The following DCDC1 variants were observed in gnomAD, a reference collection of about 807,000 sequenced individuals.
DCDC1 encodes doublecortin domain containing 1.
In DCDC1, 200 loss-of-function variants were observed where a neutral mutation model predicts 178.3. The observed-to-expected ratio is 1.12, with a 90% CI of 1.00 to 1.26. DCDC1 has a LOEUF of 1.26. Among genes scored for constraint, DCDC1 ranks in the 50% most tolerant of loss-of-function variants. The pLI, the probability that DCDC1 is intolerant of heterozygous loss-of-function variation, is 0.00. For missense variants in DCDC1, 1,983 were observed against 1,749.2 expected, an observed-to-expected ratio of 1.13 and a Z score of -2.38; for synonymous variants, 690 against 604.8, an observed-to-expected ratio of 1.14 and a Z score of -2.07.
At chr11:31,247,276 T>G (rs2136947271) in intron 8 of DCDC1, among the ~76,000 whole-genome samples, 1 of 152,064 alleles carries the variant, frequency 6.6e-6, no homozygotes, top group South Asian at 2.1e-4. Flanking sequence ...GCCTGAGTCA[T>G]GTTTTTTTTC....
rs1446127706 is a variant in DCDC1 at position 30,915,556 on chromosome 11, T to C, written c.3608A>G (p.Lys1203Arg). The part of the protein sequence containing the change: ...SGMEVVLVEK[K>R]SDGSHQRWIH... ...CCAGCGCTGATGACTACCATCAGAT[T>C]TCTTCTCCACCAAAACCACCTCCAT... The change falls in exon 27 of 39, where the codon AAA becomes AGA. Residue 1203 changes from lysine to arginine, a missense_variant. Physicochemically the swap from Lys to Arg is conservative, Grantham distance 26. Transcript: ENST00000684477. 8 of 1,613,952 alleles carry C rather than the reference T, an allele frequency of 5.0e-6. No individual in the cohort carries two copies. Among genetic ancestry groups the C allele is most frequent in the Non-Finnish European group, 6.8e-6 (8 of 1,179,868 alleles).
intron 9 of DCDC1, among the ~76,000 whole-genome samples, chr11:31,147,215 T>A (rs1290037904): frequency 6.6e-6 from 1 of 152,242 alleles, no homozygotes; most frequent in African/African-American, 2.4e-5. Flanking sequence ...TCTGTGTTGT[T>A]TCTTTCTTAT....
chr11:30,989,023 C>T (rs1005712646), intron 20 of DCDC1, among the ~76,000 whole-genome samples: 1 of 152,098 alleles, frequency 6.6e-6, no homozygotes, highest in Non-Finnish European at 1.5e-5. Context: ...ATTTCTATGG[C>T]ATTCCAATTC....
At chr11:31,003,872 A>T (rs1951701541) in intron 20 of DCDC1, among the ~76,000 whole-genome samples, 1 of 152,218 alleles carries the variant, frequency 6.6e-6, no homozygotes, top group Non-Finnish European at 1.5e-5. Context: ...AATCAATTAG[A>T]AGGCAAGAGG....
At position 30,884,033 on chromosome 11, in the gene DCDC1, AT is replaced by A. The variant is rs59940255; in HGVS notation, c.5083-2726del. On this transcript the variant is annotated intron_variant, in intron 36 of 38. Coordinates refer to ENST00000684477, the MANE Select transcript of DCDC1 (RefSeq NM_001387274.1). Reference sequence around the variant, plus strand: ...AAAGAAAACCAAAGCATTCTTTCTCATTTTTTTTTTTTTTTGAGACAGGGTC... The same window carrying A: ...AAAGAAAACCAAAGCATTCTTTCTCATTTTTTTTTTTTTTGAGACAGGGTC... Among the ~76,000 whole-genome samples the A allele has an allele frequency of 2.1e-3, 197 of 95,722 alleles. 2 individuals carry two copies. Among genetic ancestry groups the A allele is most frequent in the East Asian group, 9.3e-3 (36 of 3,866 alleles). 62.8% of individuals were successfully genotyped at this position (95,722 alleles called of 152,430 possible). A position where few individuals can be genotyped will look rare whatever the true frequency, so the allele number is the denominator to read the frequency against.
chr11:30,960,338 T>TA (rs1266885426), intron 20 of DCDC1, among the ~76,000 whole-genome samples: 1 of 152,148 alleles, frequency 6.6e-6, no homozygotes, highest in African/African-American at 2.4e-5. Context: ...ATGTTCAACT[T>TA]ACACTGTTAA....
intron 9 of DCDC1, among the ~76,000 whole-genome samples, chr11:31,145,362 A>G (rs1393882719): frequency 6.6e-6 from 1 of 152,210 alleles, no homozygotes; most frequent in African/African-American, 2.4e-5. Context: ...ATACTCGAAG[A>G]TAGGAACGAG....
intron 16 of DCDC1, among the ~76,000 whole-genome samples, chr11:31,092,949 C>G (rs1326607111): frequency 6.6e-6 from 1 of 152,160 alleles, no homozygotes; most frequent in East Asian, 1.9e-4. Context: ...TCTGCTATTA[C>G]TAACCTCAGT....
chr11:31,152,996 G>T (rs1376464629), intron 9 of DCDC1, among the ~76,000 whole-genome samples: 1 of 152,126 alleles, frequency 6.6e-6, no homozygotes, highest in African/African-American at 2.4e-5. Flanking sequence ...TGCCATAAGG[G>T]AATACAGACT....
At position 31,339,446 on chromosome 11, in the gene DCDC1, GTATTTTGT is replaced by G. The variant is rs1370511419; in HGVS notation, c.-124-3890_-124-3883del. Among the ~76,000 whole-genome samples the G allele has an allele frequency of 2.6e-5, 4 of 152,114 alleles. No individual in the cohort carries two copies. In the East Asian group the frequency reaches 5.8e-4, roughly 22 times the overall value. On this transcript the variant is annotated intron_variant, in intron 1 of 38. Coordinates refer to ENST00000684477, the MANE Select transcript of DCDC1 (RefSeq NM_001387274.1). ...TTGTTTGTATACGATTCAGCCTAAGGTATTTTGTTATGGCAGCCCAGAATAAGATACTA... is the reference window on the plus strand; with the variant it reads ...TTGTTTGTATACGATTCAGCCTAAGGTATGGCAGCCCAGAATAAGATACTA...
intron 20 of DCDC1, among the ~76,000 whole-genome samples, chr11:31,008,340 A>T (rs577462791): frequency 1.3e-5 from 2 of 152,294 alleles, no homozygotes; most frequent in Admixed American, 1.3e-4. Context: ...AGGGGCTGAC[A>T]CAAAGAAACA....
At chr11:31,221,835 T>A (rs1206028771) in intron 9 of DCDC1, among the ~76,000 whole-genome samples, 2 of 152,182 alleles carry the variant, frequency 1.3e-5, no homozygotes, top group Non-Finnish European at 2.9e-5. Context: ...TCTGGGTCCT[T>A]TTTGCTTAAC....
intron 1 of DCDC1, among the ~76,000 whole-genome samples, chr11:31,339,615 T>C (rs1475613676): frequency 2.0e-5 from 3 of 152,202 alleles, no homozygotes; most frequent in Non-Finnish European, 4.4e-5. Flanking sequence ...CTGTTCACTT[T>C]GCATTCATAG....
At chr11:31,294,037 T>C (rs182739974) in intron 6 of DCDC1, among the ~76,000 whole-genome samples, 50 of 152,302 alleles carry the variant, frequency 3.3e-4, no homozygotes, top group African/African-American at 1.2e-3. Flanking sequence ...CTCCAACTAA[T>C]TGCTTATTCA....
At chr11:30,870,480 T>G (rs1017295070) in intron 38 of DCDC1, among the ~76,000 whole-genome samples, 6 of 152,128 alleles carry the variant, frequency 3.9e-5, no homozygotes, top group Non-Finnish European at 8.8e-5. Flanking sequence ...AGTGAGGTAG[T>G]AGGAAACAAA....
rs867692381 is a variant in DCDC1 at position 31,315,667 on chromosome 11, T to A, written c.165-7759A>T. Among the ~76,000 whole-genome samples the A allele has an allele frequency of 8.3e-3, 1,095 of 131,284 alleles. 17 individuals carry two copies. The highest frequency in any genetic ancestry group is 0.033 in the African/African-American group (1,025 of 31,216). 86.1% of individuals were successfully genotyped at this position (131,284 alleles called of 152,430 possible). On this transcript the variant is annotated intron_variant, in intron 3 of 38. Transcript: ENST00000684477. ...ATACCTTTTTTTTTTTTTTTTTTTT[T>A]ATTAAACTCTAAGTTTTAGGGTACA... is the stretch of plus-strand genomic sequence containing the variant.
At chr11:31,206,656 G>A (rs189397516) in intron 9 of DCDC1, among the ~76,000 whole-genome samples, 2 of 151,942 alleles carry the variant, frequency 1.3e-5, no homozygotes, top group African/African-American at 4.8e-5. Context: ...CTTGTGATCC[G>A]CCCCCCTCAG....
chr11:31,129,919 C>T (rs1487868529), intron 10 of DCDC1, among the ~76,000 whole-genome samples: 1 of 152,148 alleles, frequency 6.6e-6, no homozygotes, highest in East Asian at 1.9e-4. Flanking sequence ...TCCCATCAGA[C>T]CCCTCTCCTC....
intron 20 of DCDC1, among the ~76,000 whole-genome samples, chr11:30,994,523 C>T (rs1313655644): frequency 8.1e-6 from 1 of 124,122 alleles, no homozygotes; most frequent in Non-Finnish European, 1.8e-5. Context: ...ATCTCCTGAC[C>T]TCAAGTTATA....
Sources: gnomAD v4.1 joint callset for allele counts (sites outside exome capture counted in the v4.1 genomes callset) on GRCh38, gnomAD v4.1.1 for gene constraint, MANE v1.5 for transcripts, NCBI Gene and HGNC (gene_info 2026-07-23, HGNC 2026-07-21) for gene names.